The following CELF2 variants were observed in gnomAD, a reference collection of about 807,000 sequenced individuals.
The protein encoded by CELF2 is CUG triplet repeat RNA-binding protein 2.
A neutral mutation model predicts 62.6 loss-of-function variants in CELF2; 8 were observed. The ratio of observed to expected loss-of-function variants is 0.13; its 90% CI spans 0.07 to 0.23. CELF2 has a LOEUF of 0.23. Ranked by LOEUF, CELF2 falls within the 10% of genes least tolerant of loss-of-function variation. The pLI is 1.00. For missense variants in CELF2, 333 were observed against 671.0 expected (o/e 0.50, Z 5.56); for synonymous variants, 258 against 250.0 (o/e 1.03, Z -0.30).
At chr10:10,845,470 C>T (rs1053970761) in intron 1 of CELF2, among the ~76,000 whole-genome samples, 2 of 152,016 alleles carry the variant, frequency 1.3e-5, no homozygotes, top group African/African-American at 4.8e-5. Flanking sequence ...CATACACACA[C>T]ACACACTCTG....
At chr10:11,249,686 C>T (rs919492942) in intron 4 of CELF2, among the ~76,000 whole-genome samples, 3 of 152,170 alleles carry the variant, frequency 2.0e-5, no homozygotes, top group Non-Finnish European at 2.9e-5. Context: ...CTCTAAATTG[C>T]TCCAATGCAT....
the CELF2 span, among the ~76,000 whole-genome samples, chr10:10,787,503 C>T: frequency 6.6e-6 from 1 of 152,252 alleles, no homozygotes; most frequent in African/African-American, 2.4e-5. Context: ...AAAACGCAAA[C>T]TTTATAAACA....
At chr10:10,962,813 G>A (rs751962649) in intron 2 of CELF2, among the ~76,000 whole-genome samples, 9 of 152,178 alleles carry the variant, frequency 5.9e-5, no homozygotes, top group Admixed American at 1.3e-4. Context: ...GAAAAAATGT[G>A]ATATTTCTTC....
At chr10:10,766,847 T>C in the CELF2 span, among the ~76,000 whole-genome samples, 8 of 152,312 alleles carry the variant, frequency 5.3e-5, no homozygotes, top group African/African-American at 1.9e-4. Flanking sequence ...GTCTACAGGC[T>C]TTGTACCCAC....
chr10:10,996,716 G>A (rs947237251), intron 2 of CELF2, among the ~76,000 whole-genome samples: 13 of 152,004 alleles, frequency 8.6e-5, no homozygotes, highest in Non-Finnish European at 1.6e-4. Context: ...CTTTGTCCCC[G>A]CTGTCAAGTT....
chr10:10,517,829 T>G, the CELF2 span, among the ~76,000 whole-genome samples: 1 of 152,338 alleles, frequency 6.6e-6, no homozygotes, highest in African/African-American at 2.4e-5. Context: ...GGTTTGCTCT[T>G]TGCAAAGAGC....
chr10:11,121,424 T>A (rs577218090), intron 1 of CELF2, among the ~76,000 whole-genome samples: 7 of 152,192 alleles, frequency 4.6e-5, no homozygotes, highest in Non-Finnish European at 8.8e-5. Flanking sequence ...TGTTTTTGCC[T>A]TCATTCCTCT....
At chr10:10,617,968 T>TCC in the CELF2 span, among the ~76,000 whole-genome samples, 544 of 152,196 alleles carry the variant, frequency 3.6e-3, 5 homozygotes, top group African/African-American at 0.013. Context: ...ACTCTTGACT[T>TCC]CTTCCCTTCC....
intron 1 of CELF2, among the ~76,000 whole-genome samples, chr10:10,900,273 A>G (rs2134086801): frequency 6.6e-6 from 1 of 152,348 alleles, no homozygotes; most frequent in Admixed American, 6.5e-5. Flanking sequence ...GTGCTACAAG[A>G]AAAGAAAACT....
At chr10:11,295,107 A>G (rs2093006871) in intron 9 of CELF2, among the ~76,000 whole-genome samples, 1 of 152,206 alleles carries the variant, frequency 6.6e-6, no homozygotes, top group Non-Finnish European at 1.5e-5. Context: ...TCGTGACATT[A>G]TGGGGCTCAC....
the CELF2 span, among the ~76,000 whole-genome samples, chr10:10,677,017 CTT>C: frequency 1.3e-5 from 2 of 152,112 alleles, no homozygotes; most frequent in Admixed American, 6.6e-5. Context: ...AATGTAAAGT[CTT>C]TTAATATGGT....
intron 1 of CELF2, among the ~76,000 whole-genome samples, chr10:11,116,163 C>A (rs1384852484): frequency 1.2e-4 from 19 of 152,294 alleles, no homozygotes; most frequent in Admixed American, 1.1e-3. Context: ...TGCAAGAATG[C>A]TAGATCGTAG....
chr10:11,184,694 A>G (rs999592944), intron 2 of CELF2, among the ~76,000 whole-genome samples: 2 of 152,124 alleles, frequency 1.3e-5, no homozygotes, highest in East Asian at 3.8e-4. Flanking sequence ...GCTATTTCCA[A>G]TCATTTGTTT....
chr10:10,884,334 T>C (rs992664510), intron 1 of CELF2, among the ~76,000 whole-genome samples: 2 of 152,220 alleles, frequency 1.3e-5, no homozygotes, highest in Non-Finnish European at 2.9e-5. Context: ...TACCAGCCAC[T>C]GTCAGAAGTG....
intron 1 of CELF2, among the ~76,000 whole-genome samples, chr10:10,802,144 GA>G (rs1436371022): frequency 2.0e-5 from 3 of 152,132 alleles, no homozygotes; most frequent in Non-Finnish European, 2.9e-5. Context: ...GTACACAGAA[GA>G]AAAAAGTTGA....
intron 2 of CELF2, among the ~76,000 whole-genome samples, chr10:10,965,946 A>G (rs2050075131): frequency 6.6e-6 from 1 of 152,246 alleles, no homozygotes; most frequent in Non-Finnish European, 1.5e-5. Context: ...TTTGCCATAC[A>G]TAGAATGACT....
At chr10:10,923,319 G>A (rs1186495404) in intron 2 of CELF2, among the ~76,000 whole-genome samples, 4 of 152,184 alleles carry the variant, frequency 2.6e-5, no homozygotes, top group Non-Finnish European at 5.9e-5. Flanking sequence ...ACAGTTTTAT[G>A]GTTTGGTTTT....
At chr10:10,704,496 T>G in the CELF2 span, among the ~76,000 whole-genome samples, 1 of 152,236 alleles carries the variant, frequency 6.6e-6, no homozygotes, top group Non-Finnish European at 1.5e-5. Flanking sequence ...TTATTAAACA[T>G]GTTACTGCTT....
chr10:10,976,297 T>C (rs931316981), intron 2 of CELF2, among the ~76,000 whole-genome samples: 8 of 152,220 alleles, frequency 5.3e-5, no homozygotes, highest in African/African-American at 9.6e-5. Context: ...ATATATTCAA[T>C]GACATTGCCA....
Sources: allele counts gnomAD v4.1 joint callset (sites outside exome capture counted in the v4.1 genomes callset), GRCh38; gene constraint gnomAD v4.1.1; transcripts MANE v1.5; gene names NCBI Gene and HGNC (gene_info 2026-07-23, HGNC 2026-07-21).